Variants in HEATR5B observed in about 807,000 individuals in gnomAD.
The protein encoded by HEATR5B is HEAT repeat-containing protein 5B.
HEATR5B carries 156 observed loss-of-function variants against 224.1 expected under a neutral mutation model. That is an observed-to-expected ratio of 0.70 (90% confidence interval 0.61 to 0.80). The LOEUF (loss-of-function observed/expected upper bound fraction) is 0.80. Among genes scored for constraint, HEATR5B ranks in the 30% least tolerant of loss-of-function variants. HEATR5B has a pLI of 0.00. For synonymous variants in HEATR5B, 1,027 were observed against 893.0 expected, an observed-to-expected ratio of 1.15 and a Z score of -2.68; for missense variants, 2,323 against 2,535.5, an observed-to-expected ratio of 0.92 and a Z score of 1.80.
rs577565407 is a variant in HEATR5B, at chr2:37,031,580, A to G, written c.3361+1049T>C. The stretch of plus-strand genomic sequence containing the variant: ...TGACATGTAGAAGTTCTGAAAATTT[A>G]TATGTATTCAGAAGAGTTCTGTAAC... On this transcript the variant is annotated intron_variant, in intron 22 of 35. Coordinates refer to ENST00000233099, the MANE Select transcript of HEATR5B (RefSeq NM_019024.3). Among the ~76,000 whole-genome samples, 17 of 151,976 alleles carry G rather than the reference A, an allele frequency of 1.1e-4. No homozygotes were observed. The South Asian group carries it at 3.5e-3, about 32-fold the overall frequency.
At chr2:37,080,868 C>T (rs752730563) in intron 2 of HEATR5B, among the ~76,000 whole-genome samples, 2 of 151,862 alleles carry the variant, frequency 1.3e-5, no homozygotes, top group South Asian at 4.1e-4. Context: ...AACCTAACAG[C>T]GTCTTGGGAA....
chr2:37,026,788 TAC>T (rs1668805185), intron 24 of HEATR5B, among the ~76,000 whole-genome samples: 2 of 152,222 alleles, frequency 1.3e-5, no homozygotes, highest in Admixed American at 6.5e-5. Context: ...ATACATGTTG[TAC>T]TACTGTTTTA....
chr2:37,018,538 G>T (rs1452070328), intron 26 of HEATR5B, among the ~76,000 whole-genome samples: 1 of 152,202 alleles, frequency 6.6e-6, no homozygotes, highest in Non-Finnish European at 1.5e-5. Context: ...CATTAAGGCA[G>T]CAGGCTTCAG....
Position 37,035,502 on chromosome 2 carries a change from CA to C in HEATR5B, c.3216+2352del, listed in dbSNP as rs1669423516. ...TGGTAAATCTTGATAGTAAGTATAG[CA>C]AATCTTCCAACTTCATTGATCTTTA... On this transcript the variant is annotated intron_variant, in intron 21 of 35. Coordinates refer to ENST00000233099, the MANE Select transcript of HEATR5B (RefSeq NM_019024.3). Among the ~76,000 whole-genome samples the C allele has an allele frequency of 2.6e-5, 4 of 152,262 alleles. No homozygotes were observed. In the East Asian group the frequency reaches 7.7e-4, roughly 29 times the overall value.
At chr2:37,038,653 G>A (rs976394324) in intron 20 of HEATR5B, among the ~76,000 whole-genome samples, 14 of 152,160 alleles carry the variant, frequency 9.2e-5, no homozygotes, top group Admixed American at 2.6e-4. Context: ...ATGGGTCTAA[G>A]CAAGCGGCTT....
At chr2:37,069,959 G>A (rs779534905) in intron 7 of HEATR5B, among the ~76,000 whole-genome samples, 3 of 149,054 alleles carry the variant, frequency 2.0e-5, no homozygotes, top group East Asian at 2.0e-4. Context: ...GTGCAGTGGC[G>A]CAATCTTGGC....
intron 33 of HEATR5B, 90 bp from the exon 34 acceptor site, chr2:36,990,889 C>T (rs1666282725): frequency 1.8e-6 from 2 of 1,129,884 alleles, no homozygotes; most frequent in Non-Finnish European, 2.4e-6. Context: ...GTTGTCTTGC[C>T]ATGTTGTCCA....
intron 8 of HEATR5B, among the ~76,000 whole-genome samples, chr2:37,066,876 A>AT (rs890095841): frequency 2.6e-4 from 39 of 148,720 alleles, no homozygotes; most frequent in African/African-American, 5.2e-4. Flanking sequence ...CTATAATTAA[A>AT]TTTTTTTTTT....
chr2:37,075,576 C>T lies in HEATR5B; in HGVS notation c.506G>A (p.Gly169Asp). The T allele has an allele frequency of 1.2e-6, 2 of 1,613,742 alleles. No homozygotes were observed. The highest frequency in any genetic ancestry group is 1.1e-5 in the South Asian group (1 of 91,072). The change falls in exon 5 of 36, where the codon GGT becomes GAT. Residue 169 changes from glycine to aspartate, a missense_variant. By Grantham distance (94) the Gly-to-Asp change is moderately conservative. Coordinates refer to ENST00000233099, the MANE Select transcript of HEATR5B (RefSeq NM_019024.3). ...ATCACGATGGGAGGAAGCTGCTGCA[C>T]CACCCAGTCCACTTAGAACTTTCTG... ...SLQKVLSGLGGAAASSHRDIY... is the reference protein window; with the variant it reads ...SLQKVLSGLGDAAASSHRDIY...
chr2:37,067,068 G>C (rs1572927585), intron 8 of HEATR5B, among the ~76,000 whole-genome samples: 1 of 151,986 alleles, frequency 6.6e-6, no homozygotes, highest in Non-Finnish European at 1.5e-5. Context: ...ACAGGGTTTC[G>C]CCATGTTGGG....
intron 28 of HEATR5B, among the ~76,000 whole-genome samples, chr2:37,008,003 G>A (rs976496723): frequency 1.3e-5 from 2 of 152,032 alleles, no homozygotes; most frequent in Non-Finnish European, 2.9e-5. Flanking sequence ...TCCACCTCCT[G>A]TTGTTTCCTC....
At chr2:37,083,520 A>G in intron 1 of HEATR5B, 84 bp from the exon 2 acceptor site, 2 of 961,712 alleles carry the variant, frequency 2.1e-6, no homozygotes, top group South Asian at 3.3e-5. Context: ...CACTAAGAAA[A>G]GTAGGACTAC....
intron 12 of HEATR5B, among the ~76,000 whole-genome samples, chr2:37,059,730 G>T (rs1376509227): frequency 6.6e-6 from 1 of 151,682 alleles, no homozygotes; most frequent in African/African-American, 2.4e-5. Context: ...AAAGTGCTGG[G>T]ATTACAGGCA....
intron 22 of HEATR5B, among the ~76,000 whole-genome samples, chr2:37,031,196 C>G (rs1213858849): frequency 2.0e-5 from 3 of 152,124 alleles, no homozygotes; most frequent in Non-Finnish European, 4.4e-5. Flanking sequence ...TCCTACACAC[C>G]TTTTATTCCT....
intron 26 of HEATR5B, among the ~76,000 whole-genome samples, chr2:37,018,981 G>A (rs537682057): frequency 6.6e-6 from 1 of 152,044 alleles, no homozygotes; most frequent in African/African-American, 2.4e-5. Context: ...CCAACATGGT[G>A]AAACACTGTC....
intron 30 of HEATR5B, among the ~76,000 whole-genome samples, chr2:37,004,502 A>G (rs1667288770): frequency 6.6e-6 from 1 of 151,632 alleles, no homozygotes; most frequent in Non-Finnish European, 1.5e-5. Flanking sequence ...TCCTCTATGT[A>G]TCTGGCTCCT....
At chr2:36,995,536 G>C (rs932028037) in intron 33 of HEATR5B, among the ~76,000 whole-genome samples, 4 of 151,992 alleles carry the variant, frequency 2.6e-5, no homozygotes, top group African/African-American at 9.7e-5. Flanking sequence ...GTTATCCCTG[G>C]TAATTTTTTA....
intron 19 of HEATR5B, 136 bp from the exon 20 acceptor site, chr2:37,040,654 G>T: frequency 3.3e-6 from 2 of 604,008 alleles, no homozygotes; most frequent in Non-Finnish European, 5.7e-6. Context: ...CCAGATTGTA[G>T]GATGTTTTCA....
chr2:37,074,538 A>G (rs1184377413), intron 5 of HEATR5B, among the ~76,000 whole-genome samples: 3 of 152,244 alleles, frequency 2.0e-5, no homozygotes, highest in Non-Finnish European at 4.4e-5. Context: ...AGCACAATCC[A>G]TATAAGAAAA....
Sources: gnomAD v4.1 joint callset for allele counts (sites outside exome capture counted in the v4.1 genomes callset) on GRCh38, gnomAD v4.1.1 for gene constraint, MANE v1.5 for transcripts, NCBI Gene and HGNC (gene_info 2026-07-23, HGNC 2026-07-21) for gene names.